STX18: variants seen among roughly 807,000 people sequenced by gnomAD.
STX18 encodes the protein syntaxin-18.
A neutral mutation model predicts 50.1 loss-of-function variants in STX18; 40 were observed. The ratio of observed to expected loss-of-function variants is 0.80; its 90% CI spans 0.62 to 1.04. The LOEUF is 1.04. STX18 is among the 50% of genes least tolerant of loss of function. The probability of loss-of-function intolerance (pLI) is 0.00; values close to 1 mark genes in which losing one functional copy is unlikely to be tolerated. For synonymous variants in STX18, 158 were observed against 151.8 expected, an observed-to-expected ratio of 1.04 and a Z score of -0.30; for missense variants, 410 against 415.8, an observed-to-expected ratio of 0.99 and a Z score of 0.12.
chr4:4,446,747 ACTAAGT>A (rs141749108), intron 5 of STX18, among the ~76,000 whole-genome samples: 10,648 of 152,290 alleles, frequency 0.07, 444 homozygotes, highest in African/African-American at 0.13. Flanking sequence ...ACAGTTTCTT[ACTAAGT>A]CTAAGAAACA....
intron 5 of STX18, among the ~76,000 whole-genome samples, chr4:4,447,518 G>A (rs1014442127): frequency 6.9e-6 from 1 of 145,232 alleles, no homozygotes; most frequent in African/African-American, 2.5e-5. Context: ...GTGAACCCGG[G>A]AGGCGGAGCT....
chr4:4,510,595 A>G (rs969068083), intron 1 of STX18, among the ~76,000 whole-genome samples: 1 of 152,186 alleles, frequency 6.6e-6, no homozygotes, highest in African/African-American at 2.4e-5. Context: ...TACAGTGTGG[A>G]GATTCCTCAA....
chr4:4,536,051 C>T (rs976938177), intron 1 of STX18, among the ~76,000 whole-genome samples: 2 of 152,328 alleles, frequency 1.3e-5, no homozygotes, highest in African/African-American at 4.8e-5. Flanking sequence ...CTACCTGTGT[C>T]TGCTTTTCCA....
chr4:4,533,442 C>T (rs1731192535), intron 1 of STX18, among the ~76,000 whole-genome samples: 1 of 152,094 alleles, frequency 6.6e-6, no homozygotes, highest in African/African-American at 2.4e-5. Context: ...ATATTTCTAT[C>T]CCCTGAAAAA....
At chr4:4,513,583 C>G (rs758163883) in intron 1 of STX18, among the ~76,000 whole-genome samples, 14 of 152,178 alleles carry the variant, frequency 9.2e-5, no homozygotes, top group Non-Finnish European at 1.6e-4. Flanking sequence ...GCAACATACT[C>G]AAATAGACAC....
In STX18 at chr4:4,452,670, G is replaced by A. The variant is rs149440504; in HGVS notation, c.497+4521C>T. 1.3e-3 allele frequency among the ~76,000 whole-genome samples: 196 copies of A among 152,306 alleles called. 4 individuals are homozygous for A. The South Asian group carries it at 0.037, about 28-fold the overall frequency. On this transcript the variant is annotated intron_variant, in intron 5 of 10. Coordinates refer to ENST00000306200, the MANE Select transcript of STX18 (RefSeq NM_016930.4). The stretch of plus-strand genomic sequence containing the variant: ...CATGACTGCCACTGCACTCCAGCCC[G>A]GGTGGCAGAGTGAGACCCCAACTCA...
intron 5 of STX18, among the ~76,000 whole-genome samples, chr4:4,454,007 C>T (rs1726918296): frequency 6.6e-6 from 1 of 152,212 alleles, no homozygotes; most frequent in Non-Finnish European, 1.5e-5. Context: ...GCATAAATGA[C>T]ACTGCCATTT....
intron 2 of STX18, among the ~76,000 whole-genome samples, chr4:4,466,984 C>T (rs748073004): frequency 6.6e-6 from 1 of 151,928 alleles, no homozygotes; most frequent in African/African-American, 2.4e-5. Flanking sequence ...TCGAAGCTGT[C>T]CTCTTGCACA....
intron 5 of STX18, among the ~76,000 whole-genome samples, chr4:4,438,712 T>C (rs28433883): frequency 0.18 from 27,372 of 151,938 alleles, 2,770 homozygotes; most frequent in African/African-American, 0.27. Flanking sequence ...AGGGTAGAGA[T>C]TGTGCATGCC....
At position 4,453,360 on chromosome 4, in the gene STX18, CTCAA is replaced by C. The variant is rs932547249; in HGVS notation, c.497+3827_497+3830del. On this transcript the variant is annotated intron_variant, in intron 5 of 10. Transcript: ENST00000306200. ...ACCCCAACCTTCAGCAACCCCCACC[CTCAA>C]TCAGTCAGTAGCCATCAACACTGAG... Among the ~76,000 whole-genome samples, 9 of 152,302 alleles carry C rather than the reference CTCAA, an allele frequency of 5.9e-5. No homozygotes were observed. In the South Asian group the frequency reaches 1.7e-3, roughly 28 times the overall value.
chr4:4,505,177 C>T (rs776172104), intron 1 of STX18, among the ~76,000 whole-genome samples: 1 of 152,116 alleles, frequency 6.6e-6, no homozygotes, highest in African/African-American at 2.4e-5. Flanking sequence ...CTTCACTTAC[C>T]GTGGGGTTAT....
intron 7 of STX18, among the ~76,000 whole-genome samples, chr4:4,430,602 T>C (rs377174640): frequency 1.2e-4 from 18 of 152,340 alleles, no homozygotes; most frequent in African/African-American, 4.3e-4. Context: ...CTGGTGTCTT[T>C]AGACAATGAC....
chr4:4,438,470 T>C lies in STX18; in HGVS notation c.537A>G (p.Glu179=), dbSNP rs1284685942. 3 of 1,613,794 alleles carry C rather than the reference T, an allele frequency of 1.9e-6. No homozygotes were observed. In the East Asian group the frequency reaches 6.7e-5, roughly 36 times the overall value. The change falls in exon 6 of 11, where the codon GAA becomes GAG. Residue 179 remains glutamate, a synonymous_variant. Coordinates refer to ENST00000306200, the MANE Select transcript of STX18 (RefSeq NM_016930.4). The part of the protein sequence containing the change: ...LEPEPNTKTR[E]STSSEKVSQS... ...GTGAAACTTTCTCAGAAGATGTGGA[T>C]TCTCTTGTCTTTGTATTTGGTTCTG...
chr4:4,453,226 A>G (rs775402720), intron 5 of STX18, among the ~76,000 whole-genome samples: 29 of 152,238 alleles, frequency 1.9e-4, no homozygotes, highest in Admixed American at 3.3e-4. Flanking sequence ...TGCTATGGGT[A>G]AAATGCTATC....
intron 1 of STX18, chr4:4,507,392 T>C: frequency 1.3e-6 from 1 of 756,282 alleles, no homozygotes; most frequent in Non-Finnish European, 2.5e-6. Context: ...ACAATCTTTG[T>C]TCCCGTTCCT....
At chr4:4,468,574 C>T (rs562256022) in intron 2 of STX18, among the ~76,000 whole-genome samples, 1 of 152,162 alleles carries the variant, frequency 6.6e-6, no homozygotes. Context: ...CGGTGAGCAG[C>T]CAAGCCTGGG....
At chr4:4,514,118 C>T (rs1212629840) in intron 1 of STX18, among the ~76,000 whole-genome samples, 4 of 152,106 alleles carry the variant, frequency 2.6e-5, no homozygotes, top group Admixed American at 6.5e-5. Context: ...CTGTATCAAG[C>T]GGCACCTTGA....
intron 5 of STX18, among the ~76,000 whole-genome samples, chr4:4,449,907 A>G (rs1022205878): frequency 2.0e-5 from 3 of 152,206 alleles, no homozygotes; most frequent in African/African-American, 7.2e-5. Flanking sequence ...CACCGCTTCA[A>G]ATTGATGGCT....
chr4:4,460,721 T>A (rs1727333590), intron 2 of STX18, among the ~76,000 whole-genome samples: 1 of 152,204 alleles, frequency 6.6e-6, no homozygotes. Flanking sequence ...AGTTCCTTAT[T>A]CCAATGCTCC....
Sources: gnomAD v4.1 joint callset for allele counts (sites outside exome capture counted in the v4.1 genomes callset) on GRCh38, gnomAD v4.1.1 for gene constraint, MANE v1.5 for transcripts, NCBI Gene and HGNC (gene_info 2026-07-23, HGNC 2026-07-21) for gene names.